Variants in NTM observed in about 807,000 individuals in gnomAD.
The protein encoded by NTM is neurotrimin.
Under a neutral mutation model 42.1 loss-of-function variants are expected in NTM, and 13 were observed. That is an observed-to-expected ratio of 0.31 (90% CI 0.20 to 0.49). The LOEUF is 0.49. Ranked by LOEUF, NTM falls within the 20% of genes least tolerant of loss-of-function variation. The pLI is 0.99. For synonymous variants in NTM, 187 were observed against 179.2 expected, an observed-to-expected ratio of 1.04 and a Z score of -0.35; for missense variants, 373 against 452.8, an observed-to-expected ratio of 0.82 and a Z score of 1.60.
At chr11:131,978,535 C>G (rs758296690) in intron 2 of NTM, among the ~76,000 whole-genome samples, 3 of 152,120 alleles carry the variant, frequency 2.0e-5, no homozygotes, top group Non-Finnish European at 4.4e-5. Context: ...TCCCTATTTC[C>G]TATGACTGTT....
intron 1 of NTM, among the ~76,000 whole-genome samples, chr11:131,451,963 G>C (rs749515594): frequency 6.6e-6 from 1 of 152,128 alleles, no homozygotes; most frequent in East Asian, 1.9e-4. Context: ...TAGAACAGCC[G>C]GCAAAGCCTG....
chr11:131,779,714 CA>C (rs2087707354), intron 1 of NTM, among the ~76,000 whole-genome samples: 1 of 151,976 alleles, frequency 6.6e-6, no homozygotes. Context: ...CAACTCAGGG[CA>C]AGTGTTGAAA....
rs566004298 is a variant in NTM at position 131,537,387 on chromosome 11, T to G, written c.82+166499T>G. On this transcript the variant is annotated intron_variant, in intron 1 of 8. Transcript: ENST00000683400. ...TGAGCCTGAGGAAGAGCTGCCACCT[T>G]CCGGTGGGGCACCCACAATAGACAG... 4 of 152,290 alleles carry G rather than the reference T, an allele frequency of 2.6e-5. No individual in the cohort carries two copies. In the East Asian group the frequency reaches 7.8e-4, roughly 30 times the overall value. The allele number at this position is 152,290 out of a possible 1,614,324, so 9.4% of individuals were successfully genotyped here. A position where few individuals can be genotyped will look rare whatever the true frequency, so the allele number is the denominator to read the frequency against.
chr11:131,998,807 G>T (rs529170684), intron 2 of NTM, among the ~76,000 whole-genome samples: 1 of 152,190 alleles, frequency 6.6e-6, no homozygotes, highest in African/African-American at 2.4e-5. Flanking sequence ...ATGATCGGTG[G>T]GGATGCCATT....
At chr11:131,651,402 G>A (rs935369168) in intron 1 of NTM, among the ~76,000 whole-genome samples, 1 of 152,188 alleles carries the variant, frequency 6.6e-6, no homozygotes, top group African/African-American at 2.4e-5. Flanking sequence ...CAAATCAATT[G>A]CACATCTTCC....
intron 1 of NTM, among the ~76,000 whole-genome samples, chr11:131,854,311 A>T (rs2045894199): frequency 6.6e-6 from 1 of 152,232 alleles, no homozygotes; most frequent in Non-Finnish European, 1.5e-5. Flanking sequence ...AGCTGAATGA[A>T]AAGGTACAGC....
intron 2 of NTM, among the ~76,000 whole-genome samples, chr11:131,932,631 C>T (rs978345065): frequency 6.6e-6 from 1 of 152,214 alleles, no homozygotes; most frequent in African/African-American, 2.4e-5. Flanking sequence ...AAGCCTGTCT[C>T]TGATCAGCAG....
At position 131,953,368 on chromosome 11, in the gene NTM, G is replaced by C. The variant is rs568731302; in HGVS notation, c.167+41720G>C. On this transcript the variant is annotated intron_variant, in intron 2 of 8. Coordinates refer to ENST00000683400, the MANE Select transcript of NTM (RefSeq NM_001352005.2). ...GCGAGTGTAGTATCCATAGCTTTTT[G>C]AATGGCAGACTCCAAGTTTGTGTGA... Among the ~76,000 whole-genome samples the C allele has an allele frequency of 1.4e-4, 21 of 152,200 alleles. No homozygotes were observed. The South Asian group carries it at 4.1e-3, about 30-fold the overall frequency.
At chr11:131,393,447 C>T (rs1944243676) in intron 1 of NTM, among the ~76,000 whole-genome samples, 1 of 152,194 alleles carries the variant, frequency 6.6e-6, no homozygotes, top group Non-Finnish European at 1.5e-5. Context: ...AGGATTGCCA[C>T]CTAGGCCTGG....
At chr11:131,536,420 G>C (rs1054591995) in intron 1 of NTM, 4 of 152,176 alleles carry the variant, frequency 2.6e-5, no homozygotes, top group African/African-American at 9.7e-5. Flanking sequence ...AGAGTATGGA[G>C]CCCACAGGTA....
At chr11:132,288,317 C>T (rs1173162384) in intron 4 of NTM, among the ~76,000 whole-genome samples, 1 of 152,174 alleles carries the variant, frequency 6.6e-6, no homozygotes, top group Non-Finnish European at 1.5e-5. Flanking sequence ...AGAAGATTTA[C>T]TTAAACTTAA....
chr11:131,861,077 C>T (rs1313076242), intron 1 of NTM, among the ~76,000 whole-genome samples: 4 of 152,094 alleles, frequency 2.6e-5, no homozygotes, highest in South Asian at 2.1e-4. Context: ...CTGGCTTTCC[C>T]ATGGGTATCC....
At chr11:131,557,652 G>A (rs2055627396) in intron 1 of NTM, among the ~76,000 whole-genome samples, 1 of 150,254 alleles carries the variant, frequency 6.7e-6, no homozygotes, top group Non-Finnish European at 1.5e-5. Flanking sequence ...GGATGTGTGG[G>A]TCTTTGTGTT....
At chr11:131,660,780 G>A (rs545153292) in intron 1 of NTM, 101 of 1,048,850 alleles carry the variant, frequency 9.6e-5, no homozygotes, top group Admixed American at 2.5e-4. Flanking sequence ...GGCTACTTGC[G>A]AACTCCTGAG....
chr11:131,433,771 T>A (rs1948883127), intron 1 of NTM, among the ~76,000 whole-genome samples: 1 of 152,210 alleles, frequency 6.6e-6, no homozygotes. Context: ...ATTTTGGAGT[T>A]TTCTTAGGTA....
intron 3 of NTM, among the ~76,000 whole-genome samples, chr11:132,162,358 G>C (rs996714651): frequency 6.6e-6 from 1 of 151,526 alleles, no homozygotes; most frequent in African/African-American, 2.4e-5. Context: ...TGGGGCATGT[G>C]GGGGGGACTG....
At position 131,644,721 on chromosome 11, in the gene NTM, A is replaced by T. The variant is rs75907402; in HGVS notation, c.83-266843A>T. Among the ~76,000 whole-genome samples the T allele has an allele frequency of 4.4e-3, 666 of 152,328 alleles. 4 individuals are homozygous for T. The highest frequency in any genetic ancestry group is 0.015 in the African/African-American group (631 of 41,582). ...AATTTCCTTCCCTAAATATTTTATC[A>T]ACATGATGGATTTTTCTTAAGAAGA... On this transcript the variant is annotated intron_variant, in intron 1 of 8. Transcript: ENST00000683400.
intron 1 of NTM, among the ~76,000 whole-genome samples, chr11:131,780,504 A>T (rs980886149): frequency 6.6e-6 from 1 of 152,168 alleles, no homozygotes. Flanking sequence ...TATGGGTCTG[A>T]GATCACTAGG....
At chr11:131,634,607 C>A (rs1181904330) in intron 1 of NTM, among the ~76,000 whole-genome samples, 1 of 147,832 alleles carries the variant, frequency 6.8e-6, no homozygotes, top group Non-Finnish European at 1.5e-5. Context: ...TTTGAAGTAA[C>A]TTTAGGATGA....
Sources: gnomAD v4.1 joint callset for allele counts (sites outside exome capture counted in the v4.1 genomes callset) on GRCh38, gnomAD v4.1.1 for gene constraint, MANE v1.5 for transcripts, NCBI Gene and HGNC (gene_info 2026-07-23, HGNC 2026-07-21) for gene names.